Variants in COL25A1 observed in about 807,000 individuals in gnomAD.
COL25A1 encodes the protein collagen type XXV alpha 1 chain.
Under a neutral mutation model 128.4 loss-of-function variants are expected in COL25A1, and 103 were observed. The ratio of observed to expected loss-of-function variants is 0.80; its 90% CI spans 0.68 to 0.94. The LOEUF (loss-of-function observed/expected upper bound fraction) is 0.94, where lower values mean the gene tolerates loss of function less well. COL25A1 is among the 40% of genes least tolerant of loss of function. COL25A1 has a pLI of 0.00. For missense variants in COL25A1, 745 were observed against 840.0 expected (o/e 0.89, Z 1.40); for synonymous variants, 279 against 277.2 (o/e 1.01, Z -0.06).
intron 3 of COL25A1, among the ~76,000 whole-genome samples, chr4:109,257,108 C>T (rs1480391496): frequency 2.0e-5 from 3 of 152,156 alleles, no homozygotes; most frequent in Admixed American, 6.5e-5. Context: ...CTAATTGCTA[C>T]ATAAAAGATC....
At chr4:109,010,531 CAT>C (rs1756475119) in intron 5 of COL25A1, among the ~76,000 whole-genome samples, 156 bp from the exon 6 acceptor site, 1 of 152,154 alleles carries the variant, frequency 6.6e-6, no homozygotes, top group Non-Finnish European at 1.5e-5. Flanking sequence ...TTTAAAAAAT[CAT>C]ATCACATCCT....
chr4:109,063,136 A>G (rs1762114947), intron 3 of COL25A1, among the ~76,000 whole-genome samples: 1 of 152,252 alleles, frequency 6.6e-6, no homozygotes, highest in Admixed American at 6.5e-5. Flanking sequence ...TGCAAATGGC[A>G]CTGATTATGC....
chr4:108,929,991 T>A (rs1285524538), intron 11 of COL25A1, among the ~76,000 whole-genome samples: 1 of 152,172 alleles, frequency 6.6e-6, no homozygotes, highest in African/African-American at 2.4e-5. Context: ...ATTAATTGAT[T>A]AACTCATATC....
At chr4:109,239,024 G>A (rs1028554895) in intron 3 of COL25A1, among the ~76,000 whole-genome samples, 1 of 151,910 alleles carries the variant, frequency 6.6e-6, no homozygotes, top group Non-Finnish European at 1.5e-5. Context: ...TTCCTGAGAG[G>A]CCCAATAAGG....
intron 20 of COL25A1, among the ~76,000 whole-genome samples, chr4:108,868,614 G>T (rs971610749): frequency 2.2e-5 from 3 of 138,842 alleles, no homozygotes; most frequent in African/African-American, 8.0e-5. Context: ...GAAAAAGAAA[G>T]AAAGAAAGAA....
chr4:108,954,673 A>G (rs1293845258), intron 8 of COL25A1, among the ~76,000 whole-genome samples: 1 of 151,146 alleles, frequency 6.6e-6, no homozygotes, highest in Non-Finnish European at 1.5e-5. Context: ...CCATTTATCA[A>G]AGAAAATTGT....
chr4:109,091,776 C>G (rs1764932002), intron 3 of COL25A1, among the ~76,000 whole-genome samples: 1 of 151,238 alleles, frequency 6.6e-6, no homozygotes, highest in Non-Finnish European at 1.5e-5. Flanking sequence ...TCCTTAACAC[C>G]AGACTCAGAG....
At chr4:109,269,732 T>C (rs2126263657) in intron 3 of COL25A1, among the ~76,000 whole-genome samples, 1 of 152,276 alleles carries the variant, frequency 6.6e-6, no homozygotes, top group Middle Eastern at 3.4e-3. Flanking sequence ...AAATGTCTTC[T>C]TTCTGATACC....
intron 6 of COL25A1, among the ~76,000 whole-genome samples, chr4:109,001,414 C>CAGGTAGGCAGCTGAGATCCTGTA (rs1755393093): frequency 6.6e-6 from 1 of 152,250 alleles, no homozygotes; most frequent in Non-Finnish European, 1.5e-5. Context: ...GAGATCCTGT[C>CAGGTAGGCAGCTGAGATCCTGTA]AGGTAGGCAG....
intron 3 of COL25A1, among the ~76,000 whole-genome samples, chr4:109,266,070 TAA>T (rs1000362137): frequency 7.9e-5 from 12 of 152,212 alleles, no homozygotes; most frequent in African/African-American, 2.9e-4. Flanking sequence ...GTGTAACCGT[TAA>T]AGAGTTAAAA....
At chr4:109,153,088 C>T (rs1771669437) in intron 3 of COL25A1, among the ~76,000 whole-genome samples, 1 of 152,014 alleles carries the variant, frequency 6.6e-6, no homozygotes, top group African/African-American at 2.4e-5. Context: ...CTTTTAAGTG[C>T]TACAAAAGTA....
At chr4:108,889,036 G>A (rs1482525231) in intron 18 of COL25A1, among the ~76,000 whole-genome samples, 185 bp downstream of exon 18, 1 of 152,146 alleles carries the variant, frequency 6.6e-6, no homozygotes, top group African/African-American at 2.4e-5. Flanking sequence ...TATAAAGTTT[G>A]TTTGCACATT....
At chr4:109,062,256 A>C (rs761480045) in intron 3 of COL25A1, among the ~76,000 whole-genome samples, 17 of 152,190 alleles carry the variant, frequency 1.1e-4, no homozygotes, top group Non-Finnish European at 2.5e-4. Flanking sequence ...TCAGAGGTGA[A>C]AGTTCAAGGG....
At chr4:109,176,735 G>C (rs548780722) in intron 3 of COL25A1, among the ~76,000 whole-genome samples, 1 of 152,116 alleles carries the variant, frequency 6.6e-6, no homozygotes, top group Admixed American at 6.6e-5. Context: ...GGATTAACCA[G>C]GTGCCTCAAA....
chr4:109,060,652 C>T lies in COL25A1; in HGVS notation c.368-10473G>A, dbSNP rs531022915. 3.3e-5 allele frequency among the ~76,000 whole-genome samples: 5 copies of T among 150,676 alleles called. No individual in the cohort carries two copies. The East Asian group carries it at 9.7e-4, about 29-fold the overall frequency. ...TCCTTCGCAGATGGTACCTTCCACACGTTGGGTGCTCAGTACCAACTCAGA... is the reference window on the plus strand; with the variant it reads ...TCCTTCGCAGATGGTACCTTCCACATGTTGGGTGCTCAGTACCAACTCAGA... On this transcript the variant is annotated intron_variant, in intron 3 of 37. Transcript: ENST00000399132.
intron 8 of COL25A1, among the ~76,000 whole-genome samples, chr4:108,956,914 A>G (rs992716650): frequency 6.6e-6 from 1 of 152,220 alleles, no homozygotes; most frequent in Non-Finnish European, 1.5e-5. Context: ...CTAACATGGA[A>G]TAAAAGAAAG....
chr4:109,180,400 T>C (rs892083013), intron 3 of COL25A1, among the ~76,000 whole-genome samples: 4 of 151,310 alleles, frequency 2.6e-5, no homozygotes, highest in African/African-American at 7.2e-5. Flanking sequence ...GTTTATTCAT[T>C]TATTTATTTA....
intron 19 of COL25A1, among the ~76,000 whole-genome samples, chr4:108,871,472 C>A (rs186685616): frequency 6.6e-6 from 1 of 152,072 alleles, no homozygotes; most frequent in Admixed American, 6.5e-5. Flanking sequence ...CCCGCCACTA[C>A]GCCCGGCTAA....
rs140899129 is a variant in COL25A1, at chr4:109,209,286, G to A, written c.367+91297C>T. Among the ~76,000 whole-genome samples, 1,092 of 151,722 alleles carry A rather than the reference G, an allele frequency of 7.2e-3. 10 individuals are homozygous for A. Among genetic ancestry groups the A allele is most frequent in the African/African-American group, 0.024 (1,013 of 41,360 alleles). On this transcript the variant is annotated intron_variant, in intron 3 of 37. Transcript: ENST00000399132. ...ACTAATCACATAACAATGCTGAATAGTAAAGATTTCATTTTTATTCCAAAC... is the reference window on the plus strand; with the variant it reads ...ACTAATCACATAACAATGCTGAATAATAAAGATTTCATTTTTATTCCAAAC...
Sources: allele counts gnomAD v4.1 joint callset (sites outside exome capture counted in the v4.1 genomes callset), GRCh38; gene constraint gnomAD v4.1.1; transcripts MANE v1.5; gene names NCBI Gene and HGNC (gene_info 2026-07-23, HGNC 2026-07-21).